Variants in ALOX15 observed in about 807,000 individuals in gnomAD.
ALOX15 encodes arachidonate 15-lipoxygenase.
ALOX15 carries 68 observed loss-of-function variants against 71.7 expected under a neutral mutation model. The ratio of observed to expected loss-of-function variants is 0.95; its 90% CI spans 0.78 to 1.16. ALOX15 has a LOEUF of 1.16. Among genes scored for constraint, ALOX15 ranks in the 50% most tolerant of loss-of-function variants. The pLI is 0.00. For synonymous variants in ALOX15, 346 were observed against 333.3 expected (o/e 1.04, Z -0.42); for missense variants, 798 against 818.8 (o/e 0.97, Z 0.31).
At chr17:4,640,419 C>G (rs1003329906) in intron 1 of ALOX15, among the ~76,000 whole-genome samples, 1 of 144,958 alleles carries the variant, frequency 6.9e-6, no homozygotes, top group Non-Finnish European at 1.5e-5. Context: ...ACCGCAGTTT[C>G]CAGGCACCAG....
rs1246107464 is a variant in ALOX15, at chr17:4,631,711, G to T, written c.1878C>A (p.Phe626Leu). ...GPEPKAVLKK[F>L]REELAALDKE... ...TATCCAGGGCAGCCAGCTCCTCCCT[G>T]AACTTCTTCAGCACAGCCTTAGGCT... The change falls in exon 14 of 14, where the codon TTC becomes TTA. Residue 626 changes from phenylalanine to leucine, a missense_variant. Transcript: ENST00000293761. 1 of 1,614,062 alleles carries T rather than the reference G, an allele frequency of 6.2e-7. No homozygotes were observed. Among genetic ancestry groups the T allele is most frequent in the Non-Finnish European group, 8.5e-7 (1 of 1,180,054 alleles).
In ALOX15 at chr17:4,631,588, G is replaced by A. The variant is rs371452789; in HGVS notation, c.*12C>T. On this transcript the variant is annotated 3_prime_UTR_variant, in exon 14 of 14. Transcript: ENST00000293761. ...GGTGATGGGGGCTGAAATAACCAAA[G>A]GGTGGCGACGCTTAGATGGCCACAC... The A allele has an allele frequency of 2.5e-6, 4 of 1,611,850 alleles. No homozygotes were observed. Among genetic ancestry groups the A allele is most frequent in the Non-Finnish European group, 3.4e-6 (4 of 1,179,880 alleles).
At chr17:4,640,404 C>G (rs202226588) in intron 1 of ALOX15, among the ~76,000 whole-genome samples, 5,115 of 113,096 alleles carry the variant, frequency 0.045, 4 homozygotes, top group African/African-American at 0.093. Context: ...ACGACCGCTC[C>G]GGCGACCGCA....
chr17:4,639,195 A>G (rs1911228688), intron 2 of ALOX15, 63 bp from the exon 3 acceptor site: 8 of 1,590,578 alleles, frequency 5.0e-6, no homozygotes, highest in Non-Finnish European at 6.9e-6. Context: ...TGTCTCTGCC[A>G]GGAGAGCCTC....
At chr17:4,632,756 A>T in intron 11 of ALOX15, 105 bp downstream of exon 11, 1 of 1,560,212 alleles carries the variant, frequency 6.4e-7, no homozygotes, top group South Asian at 1.2e-5. Flanking sequence ...TGGAGTTCTC[A>T]TAGGTGTTGA....
At chr17:4,638,540 G>C in intron 5 of ALOX15, 41 bp downstream of exon 5, 2 of 1,236,826 alleles carry the variant, frequency 1.6e-6, no homozygotes, top group Non-Finnish European at 2.3e-6. Context: ...ATCTGGGTGG[G>C]ATCTGGGGGG....
chr17:4,638,447 C>T (rs866295895), intron 5 of ALOX15, 70 bp from the exon 6 acceptor site: 29 of 790,278 alleles, frequency 3.7e-5, no homozygotes, highest in Middle Eastern at 6.7e-4. Context: ...ACCAACCATG[C>T]CTCCTTGACT....
intron 11 of ALOX15, among the ~76,000 whole-genome samples, 159 bp from the exon 12 acceptor site, chr17:4,632,440 G>T (rs1910946410): frequency 1.3e-5 from 2 of 152,180 alleles, no homozygotes; most frequent in African/African-American, 2.4e-5. Flanking sequence ...GTGGGGGAGT[G>T]GGGAGCTCTG....
Position 4,633,508 on chromosome 17 carries a change from G to C in ALOX15, c.1162-8C>G, listed in dbSNP as rs756800440. 6.2e-7 allele frequency: 1 copy of C among 1,611,530 alleles called. No individual in the cohort carries two copies. Reference sequence around the variant, plus strand: ...CAGGTGGGGAATTATAAGCTAGAGGGAGAAACACAGGGAAGGGCAGAGTCA... The same window carrying C: ...CAGGTGGGGAATTATAAGCTAGAGGCAGAAACACAGGGAAGGGCAGAGTCA... On this transcript the variant is annotated splice_polypyrimidine_tract_variant and splice_region_variant and intron_variant, in intron 8 of 13. Coordinates refer to ENST00000293761, the MANE Select transcript of ALOX15 (RefSeq NM_001140.5).
chr17:4,635,430 CA>C (rs56193749), intron 8 of ALOX15, among the ~76,000 whole-genome samples: 63,859 of 131,028 alleles, frequency 0.49, 14,535 homozygotes, highest in Middle Eastern at 0.59. Flanking sequence ...GACTCCATCT[CA>C]AAAAAAAAAA....
In ALOX15 at chr17:4,633,178, T is replaced by C. The variant is rs755079554; in HGVS notation, c.1386A>G (p.Gln462=). Residue 462 remains glutamine, a synonymous_variant, in exon 10 of 14, where the codon CAA becomes CAG. Coordinates refer to ENST00000293761, the MANE Select transcript of ALOX15 (RefSeq NM_001140.5). The stretch of plus-strand genomic sequence containing the variant: ...TGATTTCCCAGAGCCGCAGCGCATC[T>C]TGGGCATAGAAGGAAGACTTCACTC... ...LLGVKSSFYA[Q]DALRLWEIIY... The C allele has an allele frequency of 3.1e-6, 5 of 1,613,992 alleles. No homozygotes were observed. In the East Asian group the frequency reaches 8.9e-5, roughly 29 times the overall value.
In ALOX15 at chr17:4,632,181, C is replaced by T. The variant is rs1390224766; in HGVS notation, c.1641G>A (p.Gln547=). 11 of 1,614,122 alleles carry T rather than the reference C, an allele frequency of 6.8e-6. No individual in the cohort carries two copies. In the Middle Eastern group the frequency reaches 8.2e-4, roughly 121 times the overall value. The change falls in exon 12 of 14, where the codon CAG becomes CAA. Residue 547 remains glutamine (Q), a splice_region_variant and synonymous_variant. Transcript: ENST00000293761. Reference sequence around the variant, plus strand: ...CCAGCTGCCCATCTCTGGTAAGTACCTGGCCCAGGTGCACAGAGGCGTGTT... The same window carrying T: ...CCAGCTGCCCATCTCTGGTAAGTACTTGGCCCAGGTGCACAGAGGCGTGTT... ...TGQHASVHLG[Q]LDWYSWVPNA... is the part of the protein sequence containing the mutation.
rs79195437 is a variant in ALOX15, at chr17:4,632,519, G to A, written c.1541-238C>T. On this transcript the variant is annotated intron_variant, in intron 11 of 13. Coordinates refer to ENST00000293761, the MANE Select transcript of ALOX15 (RefSeq NM_001140.5). Reference sequence around the variant, plus strand: ...TGGCTCGCAAGAGTCAGTCCATGACGTTAGGTGTTTAGCAAGCTGGTCAGC... The same window carrying A: ...TGGCTCGCAAGAGTCAGTCCATGACATTAGGTGTTTAGCAAGCTGGTCAGC... Among the ~76,000 whole-genome samples, 610 of 152,276 alleles carry A rather than the reference G, an allele frequency of 4.0e-3. 5 individuals carry two copies. The highest frequency in any genetic ancestry group is 0.014 in the African/African-American group (597 of 41,558).
At chr17:4,635,448 C>T (rs1436134343) in intron 8 of ALOX15, among the ~76,000 whole-genome samples, 1 of 149,280 alleles carries the variant, frequency 6.7e-6, no homozygotes, top group African/African-American at 2.5e-5. Context: ...AAAAAAAAAT[C>T]AATGTCTGGA....
chr17:4,637,232 G>C lies in ALOX15; in HGVS notation c.834C>G (p.Phe278Leu). 6.2e-7 allele frequency: 1 copy of C among 1,613,684 alleles called. No individual in the cohort carries two copies. The highest frequency in any genetic ancestry group is 8.5e-7 in the Non-Finnish European group (1 of 1,179,690). Residue 278 changes from phenylalanine to leucine, a missense_variant, in exon 7 of 14, where the codon TTC becomes TTG. Phe to Leu is a conservative substitution (Grantham distance 22). Around this residue, in one of 3 missense-constraint regions of ALOX15, gnomAD observed 490 missense variants for 509.4 expected, o/e 0.96. Transcript: ENST00000293761. ...LEGGTLFEAD[F>L]SLLDGIKANV... ...TGGCCTTGATCCCATCCAGCAGGGA[G>C]AAGTCAGCTTCGAACAGTGTGCCTC...
chr17:4,631,595 G>A lies in ALOX15; in HGVS notation c.*5C>T, dbSNP rs746160458. 13 of 1,612,304 alleles carry A rather than the reference G, an allele frequency of 8.1e-6. No individual in the cohort carries two copies. The highest frequency in any genetic ancestry group is 4.5e-5 in the East Asian group (2 of 44,882). ...GGGGCTGAAATAACCAAAGGGTGGCGACGCTTAGATGGCCACACTGTTTTC... is the reference window on the plus strand; with the variant it reads ...GGGGCTGAAATAACCAAAGGGTGGCAACGCTTAGATGGCCACACTGTTTTC... On this transcript the variant is annotated 3_prime_UTR_variant, in exon 14 of 14. Transcript: ENST00000293761.
Position 4,632,180 on chromosome 17 carries a change from C to T in ALOX15, c.1641+1G>A. 1 of 1,614,224 alleles carries T rather than the reference C, an allele frequency of 6.2e-7. No homozygotes were observed. The highest frequency in any genetic ancestry group is 8.5e-7 in the Non-Finnish European group (1 of 1,180,046). On this transcript the variant is annotated splice_donor_variant, in intron 12 of 13. Coordinates refer to ENST00000293761, the MANE Select transcript of ALOX15 (RefSeq NM_001140.5). LOFTEE classifies it high-confidence loss of function. ...CCCAGCTGCCCATCTCTGGTAAGTACCTGGCCCAGGTGCACAGAGGCGTGT... is the reference window on the plus strand; with the variant it reads ...CCCAGCTGCCCATCTCTGGTAAGTATCTGGCCCAGGTGCACAGAGGCGTGT...
chr17:4,634,618 G>T, intron 8 of ALOX15, among the ~76,000 whole-genome samples: 1 of 151,036 alleles, frequency 6.6e-6, no homozygotes, highest in African/African-American at 2.4e-5. Flanking sequence ...CTGTATATCT[G>T]TCTATGTATT....
intron 9 of ALOX15, 30 bp downstream of exon 9, chr17:4,633,384 G>T: frequency 6.2e-7 from 1 of 1,612,818 alleles, no homozygotes; most frequent in Non-Finnish European, 8.5e-7. Flanking sequence ...AAAAAAGACA[G>T]ACCCAGAATC....
Sources: gnomAD v4.1 joint callset for allele counts (sites outside exome capture counted in the v4.1 genomes callset) on GRCh38, gnomAD v4.1.1 for gene constraint, gnomAD v4.1.1 regional missense constraint, MANE v1.5 for transcripts, NCBI Gene and HGNC (gene_info 2026-07-23, HGNC 2026-07-21) for gene names.